CAPRIN2: variants seen among roughly 807,000 people sequenced by gnomAD.
The protein encoded by CAPRIN2 is caprin-2.
Under a neutral mutation model 130.4 loss-of-function variants are expected in CAPRIN2, and 66 were observed. The observed-to-expected ratio is 0.51, with a 90% CI of 0.42 to 0.62. The LOEUF (loss-of-function observed/expected upper bound fraction) is 0.62, where lower values mean the gene tolerates loss of function less well. CAPRIN2 is among the 20% of genes least tolerant of loss of function. The pLI, the probability that CAPRIN2 is intolerant of heterozygous loss-of-function variation, is 0.00. For synonymous variants in CAPRIN2, 471 were observed against 444.1 expected, an observed-to-expected ratio of 1.06 and a Z score of -0.76; for missense variants, 1,185 against 1,246.6, an observed-to-expected ratio of 0.95 and a Z score of 0.74.
At chr12:30,716,663 T>C (rs999781647) in exon 13 of CAPRIN2, 27 of 1,613,802 alleles carry the variant, frequency 1.7e-5, no homozygotes, top group Non-Finnish European at 2.3e-5. Flanking sequence ...CAGAGGTGCA[T>C]TAACGTTAAA....
At chr12:30,711,659 C>T (rs1373938626) in intron 15 of CAPRIN2, 30 bp from the exon 18 acceptor site, 1 of 1,568,102 alleles carries the variant, frequency 6.4e-7, no homozygotes, top group Non-Finnish European at 8.8e-7. Context: ...TTTACCTTGG[C>T]ATCAAAAATG....
At chr12:30,728,554 CAAA>C (rs11406794) in intron 8 of CAPRIN2, 91 bp downstream of exon 9, 2,316 of 801,358 alleles carry the variant, frequency 2.9e-3, no homozygotes, top group South Asian at 4.6e-3. Context: ...TTCTCCATCT[CAAA>C]AAAAAAAAAA....
exon 10 of CAPRIN2, chr12:30,724,398 C>A: frequency 6.2e-7 from 1 of 1,612,696 alleles, no homozygotes; most frequent in Non-Finnish European, 8.5e-7. Flanking sequence ...TAGCTGAAGG[C>A]GGTTGTGACG....
chr12:30,715,016 A>G (rs761708872), exon 14 of CAPRIN2: 1 of 1,614,038 alleles, frequency 6.2e-7, no homozygotes, highest in Non-Finnish European at 8.5e-7. Context: ...CCACGAGTAC[A>G]TCCTCTAACA....
chr12:30,730,173 T>G (rs2062161791), intron 7 of CAPRIN2, 66 bp downstream of exon 8: 1 of 1,336,158 alleles, frequency 7.5e-7, no homozygotes, highest in Non-Finnish European at 1.1e-6. Flanking sequence ...AGCCTTAGCT[T>G]CCAACCATAA....
At chr12:30,735,260 G>T in intron 3 of CAPRIN2, 54 bp from the exon 5 acceptor site, 1 of 1,327,272 alleles carries the variant, frequency 7.5e-7, no homozygotes, top group Non-Finnish European at 1.1e-6. Context: ...TCCCATATTA[G>T]CAATACGTAT....
At chr12:30,735,267 GTAT>G in intron 3 of CAPRIN2, 61 bp from the exon 5 acceptor site, 1 of 1,283,834 alleles carries the variant, frequency 7.8e-7, no homozygotes, top group Non-Finnish European at 1.1e-6. Flanking sequence ...TTAGCAATAC[GTAT>G]CTACAAAGTC....
chr12:30,713,722 C>A lies in CAPRIN2; in HGVS notation c.2601+63G>T, dbSNP rs2056274304. The A allele has an allele frequency of 4.3e-6, 4 of 935,072 alleles. No individual in the cohort carries two copies. The East Asian group carries it at 7.4e-5, about 17-fold the overall frequency. The allele number at this position is 935,072 out of a possible 1,614,324, so 57.9% of individuals were successfully genotyped here. A position where few individuals can be genotyped will look rare whatever the true frequency, so the allele number is the denominator to read the frequency against. ...CAAATTATGACTCTGCGATATACTT[C>A]AATCACCAGCTTAACATCAACAACT... On this transcript the variant is annotated intron_variant, in intron 15 of 16. Coordinates refer to ENST00000298892, the Ensembl canonical transcript of CAPRIN2.
At chr12:30,746,205 T>C (rs1195512946) in intron 2 of CAPRIN2, among the ~76,000 whole-genome samples, 1 of 152,216 alleles carries the variant, frequency 6.6e-6, no homozygotes, top group Admixed American at 6.5e-5. Flanking sequence ...GTATTCTGTA[T>C]GATATTACAA....
At chr12:30,738,901 T>C (rs2138833669) in intron 3 of CAPRIN2, among the ~76,000 whole-genome samples, 1 of 152,204 alleles carries the variant, frequency 6.6e-6, no homozygotes, top group Middle Eastern at 3.4e-3. Context: ...AATCAAAAAC[T>C]GACAAATGCT....
chr12:30,751,321 GA>G, intron 1 of CAPRIN2, 188 bp from the exon 3 acceptor site: 1 of 578,378 alleles, frequency 1.7e-6, no homozygotes, highest in South Asian at 2.0e-5. Context: ...AAAATACACA[GA>G]ATCACATGAG....
chr12:30,721,533 ACAACTGTAAC>A (rs1404563055), intron 11 of CAPRIN2, among the ~76,000 whole-genome samples: 1 of 152,250 alleles, frequency 6.6e-6, no homozygotes, highest in East Asian at 1.9e-4. Context: ...AAAAGTTGTG[ACAACTGTAAC>A]CAACAGAAAA....
chr12:30,735,166 A>G (rs765204312), exon 4 of CAPRIN2: 1 of 1,614,172 alleles, frequency 6.2e-7, no homozygotes, highest in Middle Eastern at 1.6e-4. Flanking sequence ...AAGTTTTAGC[A>G]TGTGCTCCCT....
rs1329347533 is a variant in CAPRIN2, at chr12:30,710,395, T to C, written c.2741A>G (p.Gln914Arg). The C allele has an allele frequency of 2.5e-6, 4 of 1,614,170 alleles. No homozygotes were observed. Among genetic ancestry groups the C allele is most frequent in the Non-Finnish European group, 3.4e-6 (4 of 1,180,022 alleles). ...AGGGGTCATGCTACGGGAGTCTCCT[T>C]GTCCAGAGTCACCACTGTTAAAGGT... Residue 914 changes from glutamine (Q) to arginine (R), a missense_variant, in exon 17 of 17, where the codon CAA becomes CGA. Transcript: ENST00000298892. This position sits in a 1 kb window ranked among gnomAD's most constrained non-coding sequence, Gnocchi z 4.8.
At chr12:30,722,980 G>A (rs1489598619) in intron 11 of CAPRIN2, among the ~76,000 whole-genome samples, 1 of 152,132 alleles carries the variant, frequency 6.6e-6, no homozygotes, top group Non-Finnish European at 1.5e-5. Flanking sequence ...TACTTAAGTA[G>A]CTCAAGAGAA....
chr12:30,714,943 T>G lies in CAPRIN2; in HGVS notation c.2500+16A>C. ...ACAAAATAATTCAGTATAATTCAAT[T>G]TTATTCAGGGCATACCTTTATAACC... On this transcript the variant is annotated intron_variant, in intron 14 of 16. Coordinates refer to ENST00000298892, the Ensembl canonical transcript of CAPRIN2. 1 of 1,601,430 alleles carries G rather than the reference T, an allele frequency of 6.2e-7. No homozygotes were observed. Among genetic ancestry groups the G allele is most frequent in the Non-Finnish European group, 8.5e-7 (1 of 1,169,880 alleles).
chr12:30,710,317 T>G lies in CAPRIN2; in HGVS notation c.2819A>C (p.Tyr940Ser). The G allele has an allele frequency of 6.2e-7, 1 of 1,614,096 alleles. No homozygotes were observed. The highest frequency in any genetic ancestry group is 8.5e-7 in the Non-Finnish European group (1 of 1,180,024). Residue 940 changes from tyrosine to serine, a missense_variant, in exon 17 of 17, where the codon TAC (tyrosine) becomes TCC (serine). Transcript: ENST00000298892. This position sits in a 1 kb window ranked among gnomAD's most constrained non-coding sequence, Gnocchi z 4.8. ...AACTCGCATCTGCTGAGGCAGAGGG[T>G]AGACGTGTACTGGCAGTATGGTGGC...
At chr12:30,747,655 C>T (rs1447022500) in intron 2 of CAPRIN2, among the ~76,000 whole-genome samples, 1 of 147,612 alleles carries the variant, frequency 6.8e-6, no homozygotes. Context: ...CCAGCCTGGA[C>T]AACAAGAGCC....
chr12:30,741,041 G>A (rs1332787039), exon 3 of CAPRIN2: 1 of 1,609,914 alleles, frequency 6.2e-7, no homozygotes. Flanking sequence ...ACCCAGAAAA[G>A]GTTTTTTGAA....
Sources: allele counts gnomAD v4.1 joint callset (sites outside exome capture counted in the v4.1 genomes callset), GRCh38; gene constraint gnomAD v4.1.1; non-coding constraint Gnocchi (gnomAD v3.1); transcripts MANE v1.5; gene names NCBI Gene and HGNC (gene_info 2026-07-23, HGNC 2026-07-21).